Variants in CADM2 observed in about 807,000 individuals in gnomAD.
CADM2 encodes the protein immunoglobulin superfamily member 4D.
In CADM2, 12 loss-of-function variants were observed where a neutral mutation model predicts 49.8. The ratio of observed to expected loss-of-function variants is 0.24; its 90% CI spans 0.15 to 0.39. CADM2 has a LOEUF of 0.39. CADM2 is among the 10% of genes least tolerant of loss of function. CADM2 has a pLI of 1.00. For synonymous variants in CADM2, 214 were observed against 175.4 expected (o/e 1.22, Z -1.74); for missense variants, 378 against 492.3 (o/e 0.77, Z 2.20).
At chr3:85,604,432 T>A (rs923195845) in intron 1 of CADM2, among the ~76,000 whole-genome samples, 2 of 152,130 alleles carry the variant, frequency 1.3e-5, no homozygotes, top group East Asian at 3.9e-4. Flanking sequence ...CAAATGTGAA[T>A]TATAAACCAT....
chr3:85,944,961 A>G (rs1722468215), intron 7 of CADM2, among the ~76,000 whole-genome samples: 2 of 152,046 alleles, frequency 1.3e-5, no homozygotes, highest in African/African-American at 2.4e-5. Flanking sequence ...GACACAAAAA[A>G]CCCTTCAAAA....
intron 8 of CADM2, among the ~76,000 whole-genome samples, chr3:85,995,119 A>T (rs1021404872): frequency 6.6e-6 from 1 of 151,724 alleles, no homozygotes; most frequent in African/African-American, 2.4e-5. Context: ...TAGTGTTTTA[A>T]GGTCTAAGAC....
intron 1 of CADM2, among the ~76,000 whole-genome samples, chr3:85,330,203 A>G (rs1456963752): frequency 6.6e-6 from 1 of 152,170 alleles, no homozygotes; most frequent in African/African-American, 2.4e-5. Flanking sequence ...TGGGCCATTA[A>G]CCAGCAGTGT....
At chr3:85,689,656 C>A (rs1192638656) in intron 1 of CADM2, among the ~76,000 whole-genome samples, 1 of 152,070 alleles carries the variant, frequency 6.6e-6, no homozygotes, top group Non-Finnish European at 1.5e-5. Context: ...TGGGTCAGGA[C>A]ATGTTCAGAG....
In CADM2 at chr3:85,434,146, C is replaced by G. The variant is rs150964179; in HGVS notation, c.62-292376C>G. 2.3e-3 allele frequency among the ~76,000 whole-genome samples: 355 copies of G among 151,956 alleles called. 1 individual carries two copies. The highest frequency in any genetic ancestry group is 4.1e-3 in the Non-Finnish European group (278 of 67,942). On this transcript the variant is annotated intron_variant, in intron 1 of 9. Coordinates refer to ENST00000383699, the MANE Select transcript of CADM2 (RefSeq NM_001167675.2). ...ATCTACTAAAATTTTAACAATGTTT[C>G]TCATATTATTTTCAGTAGAAAGAAA...
At chr3:85,728,132 A>G (rs2029053) in intron 2 of CADM2, among the ~76,000 whole-genome samples, 1 of 152,032 alleles carries the variant, frequency 6.6e-6, no homozygotes, top group African/African-American at 2.4e-5. Flanking sequence ...AAGCCATTTC[A>G]TCATTGGAGA....
chr3:85,541,773 T>TATATATATATATATATATATATATATA (rs1553739263), intron 1 of CADM2, among the ~76,000 whole-genome samples: 1 of 6,182 alleles, frequency 1.6e-4, no homozygotes, highest in South Asian at 8.9e-3. Context: ...ATATTTTATA[T>TATATATATATATATATATATATATATA]TTTATATATA....
chr3:85,397,581 A>G (rs2107423066), intron 1 of CADM2, among the ~76,000 whole-genome samples: 1 of 152,354 alleles, frequency 6.6e-6, no homozygotes, highest in Admixed American at 6.5e-5. Context: ...ACATGTTACA[A>G]CAAGGAGGAA....
intron 1 of CADM2, among the ~76,000 whole-genome samples, chr3:85,483,467 T>C (rs557414904): frequency 2.5e-4 from 38 of 151,302 alleles, no homozygotes; most frequent in Admixed American, 1.4e-3. Context: ...TATCATATGT[T>C]CAATTAGTTT....
intron 1 of CADM2, among the ~76,000 whole-genome samples, chr3:85,263,171 T>C (rs1408765498): frequency 6.6e-6 from 1 of 151,960 alleles, no homozygotes; most frequent in Non-Finnish European, 1.5e-5. Flanking sequence ...TTTTTTGTGT[T>C]TTAGTAGAGA....
At chr3:84,980,108 C>G (rs1258851825) in intron 1 of CADM2, among the ~76,000 whole-genome samples, 1 of 152,120 alleles carries the variant, frequency 6.6e-6, no homozygotes, top group Non-Finnish European at 1.5e-5. Flanking sequence ...TTAAATTCCC[C>G]TCATTATGGA....
chr3:85,642,878 A>G (rs1016960437), intron 1 of CADM2, among the ~76,000 whole-genome samples: 3 of 152,118 alleles, frequency 2.0e-5, no homozygotes, highest in African/African-American at 7.2e-5. Context: ...TGTGAAAGAC[A>G]TTTTTCCCTG....
intron 8 of CADM2, among the ~76,000 whole-genome samples, chr3:86,059,596 T>C (rs1051943466): frequency 5.9e-5 from 9 of 152,182 alleles, no homozygotes; most frequent in African/African-American, 1.9e-4. Context: ...TGCTTGAGAA[T>C]GAAAAATGAT....
At chr3:85,894,154 A>C (rs1384056935) in intron 5 of CADM2, among the ~76,000 whole-genome samples, 3 of 152,168 alleles carry the variant, frequency 2.0e-5, no homozygotes, top group South Asian at 2.1e-4. Context: ...ACACCATAGA[A>C]TACTATGCAG....
chr3:85,097,413 G>A (rs2037840981), intron 1 of CADM2, among the ~76,000 whole-genome samples: 1 of 152,086 alleles, frequency 6.6e-6, no homozygotes, highest in South Asian at 2.1e-4. Flanking sequence ...TGGACATTTG[G>A]GTTGGTTCCA....
intron 1 of CADM2, among the ~76,000 whole-genome samples, chr3:85,222,478 G>A (rs1393229805): frequency 1.3e-5 from 2 of 152,092 alleles, no homozygotes; most frequent in East Asian, 3.9e-4. Context: ...TCCTTCCGTG[G>A]CTGTTTCCTT....
chr3:85,459,957 A>G (rs1194410838), intron 1 of CADM2, among the ~76,000 whole-genome samples: 1 of 152,216 alleles, frequency 6.6e-6, no homozygotes, highest in Non-Finnish European at 1.5e-5. Context: ...GCCAGAGTAA[A>G]AAAGATTAAC....
At chr3:85,834,168 A>G (rs528444816) in intron 3 of CADM2, among the ~76,000 whole-genome samples, 5 of 151,788 alleles carry the variant, frequency 3.3e-5, no homozygotes, top group African/African-American at 1.2e-4. Flanking sequence ...TCATGGATCT[A>G]CTATTAACTC....
Position 85,359,666 on chromosome 3 carries a change from A to ATATATATATATATATATATATTTT in CADM2, c.62-366855_62-366854insATATATATATATATATATATTTTT. On this transcript the variant is annotated intron_variant, in intron 1 of 9. Coordinates refer to ENST00000383699, the MANE Select transcript of CADM2 (RefSeq NM_001167675.2). ...TATATATATATATATATATATATAT[A>ATATATATATATATATATATATTTT]TTTTTTTTTTTGGTGGAGGGGAGAA... is the stretch of plus-strand genomic sequence containing the variant. Among the ~76,000 whole-genome samples the ATATATATATATATATATATATTTT allele has an allele frequency of 3.0e-3, 79 of 26,512 alleles. 1 individual carries two copies. Among genetic ancestry groups the ATATATATATATATATATATATTTT allele is most frequent in the African/African-American group, 4.6e-3 (43 of 9,366 alleles). 17.4% of individuals were successfully genotyped at this position (26,512 alleles called of 152,430 possible).
Sources: gnomAD v4.1 joint callset for allele counts (sites outside exome capture counted in the v4.1 genomes callset) on GRCh38, gnomAD v4.1.1 for gene constraint, MANE v1.5 for transcripts, NCBI Gene and HGNC (gene_info 2026-07-23, HGNC 2026-07-21) for gene names.